The following PCDH11X variants were observed in gnomAD, a reference collection of about 807,000 sequenced individuals.
PCDH11X encodes protocadherin 11 X-linked.
Under a neutral mutation model 53.3 loss-of-function variants are expected in PCDH11X, and 18 were observed. The ratio of observed to expected loss-of-function variants is 0.34; its 90% CI spans 0.23 to 0.50. The LOEUF (loss-of-function observed/expected upper bound fraction) is 0.50. Among genes scored for constraint, PCDH11X ranks in the 20% least tolerant of loss-of-function variants. The pLI is 0.98. For missense variants in PCDH11X, 570 were observed against 1,032.4 expected (o/e 0.55, Z 6.14); for synonymous variants, 279 against 393.3 (o/e 0.71, Z 3.44).
At chrX:92,441,891 C>T (rs748926700) in intron 9 of PCDH11X, among the ~76,000 whole-genome samples, 8 of 110,086 alleles carry the variant, frequency 7.3e-5, no homozygotes, top group African/African-American at 2.3e-4. Context: ...CACCAGCCCA[C>T]GAAAGCAGTT....
intron 6 of PCDH11X, among the ~76,000 whole-genome samples, chrX:91,982,163 C>T (rs942567943): frequency 1.3e-4 from 14 of 110,496 alleles, no homozygotes; most frequent in African/African-American, 4.6e-4. Flanking sequence ...CCCTGCAGAC[C>T]TTTTGGTGTA....
intron 10 of PCDH11X, among the ~76,000 whole-genome samples, chrX:92,494,469 T>A (rs1352733460): frequency 9.2e-6 from 1 of 109,157 alleles, no homozygotes; most frequent in East Asian, 2.9e-4. Context: ...ATGAAGTGTA[T>A]GTCAGCGGGG....
intron 8 of PCDH11X, among the ~76,000 whole-genome samples, chrX:92,316,476 A>G (rs911447572): frequency 7.2e-5 from 8 of 111,187 alleles, no homozygotes; most frequent in Non-Finnish European, 1.5e-4. Flanking sequence ...TGTATTATTT[A>G]TCTCTTCTTA....
Position 92,620,918 on chromosome X carries a change from A to C in PCDH11X, c.*1978A>C, listed in dbSNP as rs967571514. ...ATGTTTATTAAATTATTATCATACA[A>C]ATGTGTTGATATTGTGGCTATTGTT... On this transcript the variant is annotated 3_prime_UTR_variant, in exon 11 of 11. Transcript: ENST00000682573. The C allele has an allele frequency of 9.2e-6, 1 of 108,931 alleles. No homozygotes were observed. Among genetic ancestry groups the C allele is most frequent in the African/African-American group, 3.4e-5 (1 of 29,474 alleles). The allele number at this position is 108,931 out of a possible 1,213,427, so 9.0% of individuals were successfully genotyped here. A position where few individuals can be genotyped will look rare whatever the true frequency, so the allele number is the denominator to read the frequency against.
chrX:92,033,175 T>A (rs1347209701), intron 6 of PCDH11X, among the ~76,000 whole-genome samples: 1 of 111,246 alleles, frequency 9.0e-6, no homozygotes, highest in Admixed American at 9.6e-5. Flanking sequence ...TGCATCAATA[T>A]TCATCAGAGG....
intron 8 of PCDH11X, among the ~76,000 whole-genome samples, chrX:92,331,319 CTCT>C (rs1251404218): frequency 3.8e-4 from 11 of 28,818 alleles, no homozygotes; most frequent in Admixed American, 1.5e-3. Flanking sequence ...CTTCTTCTTC[CTCT>C]TCTTCTTCTT....
intron 7 of PCDH11X, among the ~76,000 whole-genome samples, chrX:92,240,718 A>G (rs2037084939): frequency 2.7e-5 from 3 of 112,004 alleles, no homozygotes; most frequent in African/African-American, 6.5e-5. Context: ...AAATTTTTAC[A>G]TTGTTAATAA....
chrX:92,072,889 C>T (rs1054097715), intron 6 of PCDH11X, among the ~76,000 whole-genome samples: 2 of 110,643 alleles, frequency 1.8e-5, no homozygotes, highest in Non-Finnish European at 3.8e-5. Context: ...GACCTTGTTT[C>T]CTAGACTGCT....
chrX:91,972,517 C>T (rs2061978120), intron 6 of PCDH11X, among the ~76,000 whole-genome samples: 1 of 110,046 alleles, frequency 9.1e-6, no homozygotes, highest in Non-Finnish European at 1.9e-5. Context: ...ACATGAAGCC[C>T]TTGCCCATGC....
intron 9 of PCDH11X, among the ~76,000 whole-genome samples, chrX:92,389,844 A>T (rs766875495): frequency 3.1e-4 from 33 of 107,058 alleles, no homozygotes; most frequent in South Asian, 8.0e-4. Flanking sequence ...TTTTTTTTTT[A>T]AAAAAAGGGT....
chrX:92,177,045 G>A (rs959528043), intron 6 of PCDH11X, among the ~76,000 whole-genome samples: 2 of 105,695 alleles, frequency 1.9e-5, no homozygotes, highest in African/African-American at 3.5e-5. Flanking sequence ...GGGCAATCTC[G>A]GCTCACTGCA....
chrX:92,554,909 A>G (rs2075023489), intron 10 of PCDH11X, among the ~76,000 whole-genome samples: 1 of 111,045 alleles, frequency 9.0e-6, no homozygotes. Flanking sequence ...AACTTTCCAT[A>G]CTGTCTAAGG....
chrX:91,832,920 G>T (rs1448432237), intron 4 of PCDH11X, among the ~76,000 whole-genome samples: 1 of 102,285 alleles, frequency 9.8e-6, no homozygotes, highest in Non-Finnish European at 2.0e-5. Flanking sequence ...CTGTGTCATG[G>T]GGGTTTGTTG....
At chrX:92,412,552 T>TATATATATAG (rs1556412541) in intron 9 of PCDH11X, among the ~76,000 whole-genome samples, 2 of 85,827 alleles carry the variant, frequency 2.3e-5, no homozygotes, top group Non-Finnish European at 4.6e-5. Flanking sequence ...TATATATATA[T>TATATATATAG]ATAGATAAAG....
chrX:92,184,292 C>T (rs903544576), intron 6 of PCDH11X, among the ~76,000 whole-genome samples: 2 of 111,829 alleles, frequency 1.8e-5, no homozygotes, highest in African/African-American at 6.5e-5. Flanking sequence ...TATCACTAGC[C>T]AATCATTTCA....
chrX:92,068,728 C>T (rs954174069), intron 6 of PCDH11X, among the ~76,000 whole-genome samples: 5 of 109,259 alleles, frequency 4.6e-5, no homozygotes, highest in African/African-American at 1.3e-4. Context: ...TTAGTAGAGA[C>T]GGGGTTTTAC....
chrX:91,827,254 A>G (rs1257944270), intron 4 of PCDH11X, among the ~76,000 whole-genome samples: 1 of 111,659 alleles, frequency 9.0e-6, no homozygotes, highest in Non-Finnish European at 1.9e-5. Flanking sequence ...GGCCACATGT[A>G]AGTCTTCTTT....
chrX:92,060,238 A>G (rs889263256), intron 6 of PCDH11X, among the ~76,000 whole-genome samples: 1 of 102,794 alleles, frequency 9.7e-6, no homozygotes, highest in African/African-American at 3.6e-5. Context: ...ATAATTCCAT[A>G]GGAAACGGGA....
At chrX:91,793,947 T>A (rs1417699570) in intron 1 of PCDH11X, among the ~76,000 whole-genome samples, 1 of 112,167 alleles carries the variant, frequency 8.9e-6, no homozygotes, top group Non-Finnish European at 1.9e-5. Context: ...TTGGAAGAAC[T>A]AGATTATTAG....
Sources: allele counts gnomAD v4.1 joint callset (sites outside exome capture counted in the v4.1 genomes callset), GRCh38; gene constraint gnomAD v4.1.1; transcripts MANE v1.5; gene names NCBI Gene and HGNC (gene_info 2026-07-23, HGNC 2026-07-21).